The following AKAP13 variants were observed in gnomAD, a reference collection of about 807,000 sequenced individuals.
AKAP13 encodes A-kinase anchor protein 13.
Under a neutral mutation model 264.5 loss-of-function variants are expected in AKAP13, and 80 were observed. That is an observed-to-expected ratio of 0.30 (90% CI 0.25 to 0.36). AKAP13 has a LOEUF of 0.36. Ranked by LOEUF, AKAP13 falls within the 10% of genes least tolerant of loss-of-function variation. AKAP13 has a pLI of 1.00. For synonymous variants in AKAP13, 1,380 were observed against 1,250.2 expected (o/e 1.10, Z -2.19); for missense variants, 3,712 against 3,435.2 (o/e 1.08, Z -2.01).
chr15:85,395,446 T>G (rs1446481660), intron 1 of AKAP13, among the ~76,000 whole-genome samples: 6 of 152,226 alleles, frequency 3.9e-5, no homozygotes, highest in Non-Finnish European at 5.9e-5. Context: ...CTTTCTGTTC[T>G]GCCAAGATTT....
intron 10 of AKAP13, among the ~76,000 whole-genome samples, chr15:85,650,935 T>C (rs909631958): frequency 6.6e-5 from 10 of 152,162 alleles, no homozygotes; most frequent in Admixed American, 1.3e-4. Flanking sequence ...GTTAGGTGTT[T>C]AAAATGTGAG....
chr15:85,725,618 A>G (rs1249859976), intron 26 of AKAP13, among the ~76,000 whole-genome samples: 1 of 152,180 alleles, frequency 6.6e-6, no homozygotes, highest in Non-Finnish European at 1.5e-5. Context: ...CATGGACTGC[A>G]TAAATCAGTT....
At position 85,745,372 on chromosome 15, in the gene AKAP13, CGTGAT is replaced by C. The variant is rs2089339373; in HGVS notation, c.*699_*703del. The stretch of plus-strand genomic sequence containing the variant: ...GAGAAGGCTTGATGTGTATAAAAGA[CGTGAT>C]GTGCACCACCTCGATCTCGGTGTTT... On this transcript the variant is annotated 3_prime_UTR_variant, in exon 37 of 37. Coordinates refer to ENST00000394518, the MANE Select transcript of AKAP13 (RefSeq NM_007200.5). 6.6e-6 allele frequency: 1 copy of C among 151,164 alleles called. No individual in the cohort carries two copies. Among genetic ancestry groups the C allele is most frequent in the Non-Finnish European group, 1.5e-5 (1 of 67,852 alleles). 9.4% of individuals were successfully genotyped at this position (151,164 alleles called of 1,614,324 possible). A position where few individuals can be genotyped will look rare whatever the true frequency, so the allele number is the denominator to read the frequency against.
At chr15:85,470,431 G>A (rs531412685) in intron 1 of AKAP13, among the ~76,000 whole-genome samples, 63 of 152,216 alleles carry the variant, frequency 4.1e-4, no homozygotes, top group African/African-American at 1.5e-3. Context: ...TGCTAATAAA[G>A]GTAATTCACT....
intron 8 of AKAP13, among the ~76,000 whole-genome samples, chr15:85,631,502 T>TCTCTCACACACACACA (rs1372440393): frequency 2.1e-5 from 3 of 140,958 alleles, no homozygotes; most frequent in African/African-American, 5.4e-5. Context: ...TCTCTCTCTC[T>TCTCTCACACACACACA]CACACACACA....
intron 10 of AKAP13, among the ~76,000 whole-genome samples, chr15:85,651,061 G>T (rs1180305206): frequency 6.6e-6 from 1 of 152,072 alleles, no homozygotes; most frequent in Non-Finnish European, 1.5e-5. Flanking sequence ...TATTAAGCAT[G>T]ATTTCTTCAA....
intron 1 of AKAP13, among the ~76,000 whole-genome samples, chr15:85,398,811 C>A (rs1217376330): frequency 6.6e-6 from 1 of 152,188 alleles, no homozygotes; most frequent in Non-Finnish European, 1.5e-5. Flanking sequence ...GTGTTTCCGC[C>A]AGCCACCTTT....
At chr15:85,469,958 A>T (rs533659916) in intron 1 of AKAP13, among the ~76,000 whole-genome samples, 1 of 152,184 alleles carries the variant, frequency 6.6e-6, no homozygotes, top group East Asian at 1.9e-4. Context: ...GCCTTCAATA[A>T]TCTCTCTTCC....
chr15:85,739,445 G>T (rs960789211), intron 33 of AKAP13, among the ~76,000 whole-genome samples: 1 of 152,028 alleles, frequency 6.6e-6, no homozygotes. Context: ...TGTGTTCCTG[G>T]CCTATTTTTC....
chr15:85,501,992 A>G (rs1415898046), intron 2 of AKAP13, among the ~76,000 whole-genome samples: 1 of 152,210 alleles, frequency 6.6e-6, no homozygotes, highest in Non-Finnish European at 1.5e-5. Context: ...ACGGCGGAGC[A>G]TGGTGCTGTG....
intron 6 of AKAP13, 51 bp from the exon 7 acceptor site, chr15:85,578,879 A>T (rs778080939): frequency 6.4e-7 from 1 of 1,560,426 alleles, no homozygotes; most frequent in South Asian, 1.2e-5. Context: ...GGTGTCAGTG[A>T]CATCTTCTCC....
At position 85,687,097 on chromosome 15, in the gene AKAP13, A is replaced by G. The variant is rs540894681; in HGVS notation, c.5289+2224A>G. ...AGGTAAAACATACACATGATAGGAA[A>G]AAAAACAACGTAAGATGGAATTTAG... On this transcript the variant is annotated intron_variant, in intron 16 of 36. Transcript: ENST00000394518. Among the ~76,000 whole-genome samples the G allele has an allele frequency of 5.3e-5, 8 of 152,294 alleles. No homozygotes were observed. The South Asian group carries it at 1.5e-3, about 28-fold the overall frequency.
intron 14 of AKAP13, among the ~76,000 whole-genome samples, chr15:85,678,370 C>T (rs2084371910): frequency 6.6e-6 from 1 of 152,104 alleles, no homozygotes; most frequent in East Asian, 1.9e-4. Context: ...AGGGAAGTGC[C>T]TTATGCACAA....
intron 2 of AKAP13, among the ~76,000 whole-genome samples, chr15:85,512,046 CTT>C (rs368313483): frequency 4.7e-5 from 7 of 147,652 alleles, no homozygotes; most frequent in African/African-American, 1.7e-4. Context: ...ATAAGACTGT[CTT>C]TTTTTTTTTC....
chr15:85,599,790 C>T (rs2079974178), intron 8 of AKAP13, among the ~76,000 whole-genome samples: 1 of 152,098 alleles, frequency 6.6e-6, no homozygotes, highest in Non-Finnish European at 1.5e-5. Context: ...AATCCTAGCA[C>T]TTTGGGAGGC....
At chr15:85,662,276 G>T (rs987413297) in intron 12 of AKAP13, 16 of 1,010,156 alleles carry the variant, frequency 1.6e-5, no homozygotes, top group Non-Finnish European at 2.1e-5. Flanking sequence ...TTTGTTGATC[G>T]CATAAATCCG....
Position 85,741,074 on chromosome 15 carries a change from T to C in AKAP13, c.7637T>C (p.Ile2546Thr), listed in dbSNP as rs1306431221. 7 of 1,612,652 alleles carry C rather than the reference T, an allele frequency of 4.3e-6. No individual in the cohort carries two copies. Among genetic ancestry groups the C allele is most frequent in the African/African-American group, 2.7e-5 (2 of 74,870 alleles). ...QGVVLQQDSY[I>T]EDQKLVLSER... ...GTGGTGCTGCAGCAGGACAGCTACATTGAGGACCAGAAACTGGTGCTGAGC... is the reference window on the plus strand; with the variant it reads ...GTGGTGCTGCAGCAGGACAGCTACACTGAGGACCAGAAACTGGTGCTGAGC... The change falls in exon 35 of 37, where the codon ATT (isoleucine) becomes ACT (threonine). Residue 2546 changes from isoleucine to threonine, a missense_variant. Physicochemically the swap from Ile to Thr is moderately conservative, Grantham distance 89. This residue lies in a region of AKAP13 where 611 missense variants were observed against 539.3 expected (regional missense o/e 1.13). Transcript: ENST00000394518.
intron 29 of AKAP13, among the ~76,000 whole-genome samples, chr15:85,729,041 C>G (rs1030274866): frequency 2.0e-5 from 3 of 152,092 alleles, no homozygotes; most frequent in African/African-American, 7.2e-5. Context: ...TGGCTCATGC[C>G]TGTAATCCCA....
chr15:85,504,247 C>G (rs757936462), intron 2 of AKAP13, among the ~76,000 whole-genome samples: 2 of 151,752 alleles, frequency 1.3e-5, no homozygotes, highest in Non-Finnish European at 2.9e-5. Flanking sequence ...ACAAAGTAGC[C>G]GAGTATAATC....
Sources: allele counts gnomAD v4.1 joint callset (sites outside exome capture counted in the v4.1 genomes callset), GRCh38; gene constraint gnomAD v4.1.1; regional missense constraint gnomAD v4.1.1; transcripts MANE v1.5; gene names NCBI Gene and HGNC (gene_info 2026-07-23, HGNC 2026-07-21).